CCDC102A: variants seen among roughly 807,000 people sequenced by gnomAD.
CCDC102A encodes the protein coiled-coil domain-containing protein 102A.
CCDC102A carries 40 observed loss-of-function variants against 55.5 expected under a neutral mutation model. The ratio of observed to expected loss-of-function variants is 0.72; its 90% CI spans 0.56 to 0.94. The LOEUF (loss-of-function observed/expected upper bound fraction) is 0.94, where lower values mean the gene tolerates loss of function less well. Ranked by LOEUF, CCDC102A falls within the 40% of genes least tolerant of loss-of-function variation. The probability of loss-of-function intolerance (pLI) is 0.00; values close to 1 mark genes in which losing one functional copy is unlikely to be tolerated. For synonymous variants in CCDC102A, 323 were observed against 339.0 expected, an observed-to-expected ratio of 0.95 and a Z score of 0.52; for missense variants, 779 against 768.6, an observed-to-expected ratio of 1.01 and a Z score of -0.16.
rs1304608736 is a variant in CCDC102A at position 57,512,639 on chromosome 16, T to G, written c.*102A>C. On this transcript the variant is annotated 3_prime_UTR_variant, in exon 9 of 9. Coordinates refer to ENST00000258214, the MANE Select transcript of CCDC102A (RefSeq NM_033212.4). ...GAAGAAAGTCGGCTGTGGCAGGGAC[T>G]GGTCCCAGAGTGAGCCTAGGCACTG... 63 of 1,411,436 alleles carry G rather than the reference T, an allele frequency of 4.5e-5. No homozygotes were observed. Among genetic ancestry groups the G allele is most frequent in the Non-Finnish European group, 5.9e-5 (62 of 1,049,114 alleles). 87.4% of individuals were successfully genotyped at this position (1,411,436 alleles called of 1,614,324 possible).
Position 57,525,953 on chromosome 16 carries a change from C to T in CCDC102A, c.760G>A (p.Ala254Thr), listed in dbSNP as rs765991607. Residue 254 changes from alanine (A) to threonine (T), a missense_variant, in exon 3 of 9, where the codon GCC becomes ACC. Physicochemically the swap from Ala to Thr is moderately conservative, Grantham distance 58. Transcript: ENST00000258214. ...GACTCATCCAGCCGTAGCCGCAGGG[C>T]GGTCAACTTGGAGGCCTCCTCCTCC... ...ATEEEASKLTALRLRLDESQK... is the reference protein window; with the variant it reads ...ATEEEASKLTTLRLRLDESQK... The T allele has an allele frequency of 1.6e-5, 26 of 1,612,332 alleles. No individual in the cohort carries two copies. The South Asian group carries it at 1.9e-4, about 12-fold the overall frequency.
chr16:57,525,580 C>A (rs1465514402), intron 3 of CCDC102A, among the ~76,000 whole-genome samples: 1 of 152,190 alleles, frequency 6.6e-6, no homozygotes, highest in Non-Finnish European at 1.5e-5. Context: ...TGTCTCCATT[C>A]CCTGCTTTTA....
rs1206238336 is a variant in CCDC102A at position 57,521,137 on chromosome 16, C to T, written c.852G>A (p.Glu284=). 6 of 1,613,478 alleles carry T rather than the reference C, an allele frequency of 3.7e-6. No individual in the cohort carries two copies. The highest frequency in any genetic ancestry group is 2.2e-5 in the East Asian group (1 of 44,886). Residue 284 remains glutamate (E), a synonymous_variant, in exon 4 of 9, where the codon GAG becomes GAA. Coordinates refer to ENST00000258214, the MANE Select transcript of CCDC102A (RefSeq NM_033212.4). ...TGATCTTCCACTGGCTGAGCTCCCCCTCTAGCTTCTCAATGTTCCTGCTCA... is the reference window on the plus strand; with the variant it reads ...TGATCTTCCACTGGCTGAGCTCCCCTTCTAGCTTCTCAATGTTCCTGCTCA... ...LALSRNIEKL[E]GELSQWKIKY...
chr16:57,535,256 A>C (rs2032349068), intron 1 of CCDC102A, among the ~76,000 whole-genome samples: 1 of 152,184 alleles, frequency 6.6e-6, no homozygotes, highest in South Asian at 2.1e-4. Context: ...CTGGCGGGAA[A>C]GGAAGGGATG....
At chr16:57,527,612 G>T (rs1432487049) in intron 2 of CCDC102A, among the ~76,000 whole-genome samples, 2 of 152,136 alleles carry the variant, frequency 1.3e-5, no homozygotes, top group African/African-American at 4.8e-5. Context: ...TAGAGATGGG[G>T]TTTCACCATG....
At chr16:57,518,390 G>A in intron 5 of CCDC102A, 113 bp from the exon 6 acceptor site, 1 of 974,076 alleles carries the variant, frequency 1.0e-6, no homozygotes, top group Non-Finnish European at 1.5e-6. Flanking sequence ...AGCAGATCCA[G>A]CTGCATTGGC....
chr16:57,519,979 G>A (rs2032018521), intron 4 of CCDC102A, among the ~76,000 whole-genome samples: 1 of 152,214 alleles, frequency 6.6e-6, no homozygotes, highest in South Asian at 2.1e-4. Context: ...GGCCGTAGTG[G>A]CAGCTCAGCC....
chr16:57,528,646 CT>C lies in CCDC102A; in HGVS notation c.531del (p.Ala178ArgfsTer27). ...ACGTCACGCACTGGCTCGCGCTCCG[CT>C]TCCGGCTCGGGGCCGTCGCGCGTCT... ...ADQTRDGPEPEAEREPVRDVG... is the reference protein window; with the variant it reads ...ADQTRDGPEPXAEREPVRDVG... On this transcript the variant is annotated frameshift_variant, in exon 2 of 9. Coordinates refer to ENST00000258214, the MANE Select transcript of CCDC102A (RefSeq NM_033212.4). LOFTEE classifies it high-confidence loss of function. 8.3e-7 allele frequency: 1 copy of C among 1,201,826 alleles called. No homozygotes were observed. Among genetic ancestry groups the C allele is most frequent in the Non-Finnish European group, 1.0e-6 (1 of 962,248 alleles). 74.4% of individuals were successfully genotyped at this position (1,201,826 alleles called of 1,614,324 possible).
At chr16:57,528,389 G>A (rs1598077602) in intron 2 of CCDC102A, among the ~76,000 whole-genome samples, 3 of 152,290 alleles carry the variant, frequency 2.0e-5, no homozygotes, top group Non-Finnish European at 1.5e-5. Context: ...GGGAGTGGAG[G>A]GATCACAGAA....
chr16:57,534,452 T>G (rs2032333129), intron 1 of CCDC102A, among the ~76,000 whole-genome samples: 1 of 152,132 alleles, frequency 6.6e-6, no homozygotes, highest in Non-Finnish European at 1.5e-5. Context: ...GTCTGGAATA[T>G]CTCTCCTTCC....
At chr16:57,536,174 C>T (rs901153835) in intron 1 of CCDC102A, among the ~76,000 whole-genome samples, 36 of 152,138 alleles carry the variant, frequency 2.4e-4, no homozygotes, top group African/African-American at 8.7e-4. Flanking sequence ...ACGTTGGGTC[C>T]CCCGGGAGAG....
rs764141146 is a variant in CCDC102A at position 57,518,050 on chromosome 16, C to G, written c.1248+18G>C. The stretch of plus-strand genomic sequence containing the variant: ...GAGGTGGCAGCCCCAGCACTGGCCA[C>G]TCCACTCCTTGCCCCACCTTGTTCT... On this transcript the variant is annotated intron_variant, in intron 6 of 8. Transcript: ENST00000258214. 1.9e-6 allele frequency: 3 copies of G among 1,583,242 alleles called. No homozygotes were observed. In the Admixed American group the frequency reaches 5.1e-5, roughly 27 times the overall value.
chr16:57,519,300 A>T (rs62039370), intron 4 of CCDC102A, among the ~76,000 whole-genome samples: 40,275 of 152,078 alleles, frequency 0.26, 5,891 homozygotes, highest in African/African-American at 0.39. Flanking sequence ...CTTGACCTAA[A>T]GGCCCCCTCC....
Position 57,516,704 on chromosome 16 carries a change from A to G in CCDC102A, c.1249-241T>C. The G allele has an allele frequency of 1.8e-6, 1 of 569,980 alleles. No homozygotes were observed. The highest frequency in any genetic ancestry group is 3.1e-6 in the Non-Finnish European group (1 of 318,326). The allele number at this position is 569,980 out of a possible 1,614,324, so 35.3% of individuals were successfully genotyped here. A position where few individuals can be genotyped will look rare whatever the true frequency, so the allele number is the denominator to read the frequency against. On this transcript the variant is annotated intron_variant, in intron 6 of 8. Transcript: ENST00000258214. The surrounding 1 kb of genome is among the most constrained non-coding windows in gnomAD (Gnocchi z 4.4). ...GGTGGAACCTGTGGCTCCGGTTTGG[A>G]TGTGTAACTTTCAGATGCTACTGGA...
At chr16:57,515,514 G>A (rs1432179097) in intron 7 of CCDC102A, 70 bp from the exon 8 acceptor site, 46 of 918,356 alleles carry the variant, frequency 5.0e-5, no homozygotes, top group Non-Finnish European at 7.3e-5. Context: ...ACCCGCCCAG[G>A]GAAAACCACT....
intron 8 of CCDC102A, 41 bp from the exon 9 acceptor site, chr16:57,512,911 G>T (rs908325832): frequency 3.8e-6 from 6 of 1,584,330 alleles, no homozygotes; most frequent in Non-Finnish European, 5.2e-6. Flanking sequence ...CAGCCTGGCT[G>T]GTAGTCCCCC....
intron 2 of CCDC102A, among the ~76,000 whole-genome samples, 175 bp downstream of exon 2, chr16:57,528,418 G>C (rs1320777839): frequency 6.6e-6 from 1 of 152,188 alleles, no homozygotes; most frequent in Non-Finnish European, 1.5e-5. Flanking sequence ...TCTCCACCCT[G>C]AGGTCTCTGG....
In CCDC102A at chr16:57,529,557, T is replaced by C. The variant is rs2032215037; in HGVS notation, c.-147-233A>G. ...CAGCGGCGCTAATCTGAAACCTTGA[T>C]CTGTTCTTTATTCTCCCGGTCCCGG... On this transcript the variant is annotated intron_variant, in intron 1 of 8. Transcript: ENST00000258214. The surrounding 1 kb of genome is among the most constrained non-coding windows in gnomAD (Gnocchi z 4.1). Among the ~76,000 whole-genome samples the C allele has an allele frequency of 6.6e-6, 1 of 152,130 alleles. No homozygotes were observed. The highest frequency in any genetic ancestry group is 2.4e-5 in the African/African-American group (1 of 41,420).
intron 3 of CCDC102A, among the ~76,000 whole-genome samples, chr16:57,522,549 C>T (rs1341022893): frequency 1.3e-5 from 2 of 152,190 alleles, no homozygotes; most frequent in Non-Finnish European, 2.9e-5. Flanking sequence ...CCACGGTGCC[C>T]GGCTGCACTT....
Sources: gnomAD v4.1 joint callset for allele counts (sites outside exome capture counted in the v4.1 genomes callset) on GRCh38, gnomAD v4.1.1 for gene constraint, Gnocchi (gnomAD v3.1) non-coding constraint, MANE v1.5 for transcripts, NCBI Gene and HGNC (gene_info 2026-07-23, HGNC 2026-07-21) for gene names.